The following PTPRE variants were observed in gnomAD, a reference collection of about 807,000 sequenced individuals.
PTPRE encodes receptor-type tyrosine-protein phosphatase epsilon.
Under a neutral mutation model 102.0 loss-of-function variants are expected in PTPRE, and 51 were observed. The observed-to-expected ratio is 0.50, with a 90% CI of 0.40 to 0.63. The LOEUF (loss-of-function observed/expected upper bound fraction) is 0.63. Ranked by LOEUF, PTPRE falls within the 30% of genes least tolerant of loss-of-function variation. The pLI is 0.00. For synonymous variants in PTPRE, 345 were observed against 348.2 expected, an observed-to-expected ratio of 0.99 and a Z score of 0.10; for missense variants, 752 against 915.1, an observed-to-expected ratio of 0.82 and a Z score of 2.30.
At chr10:127,985,341 G>A (rs1268055000) in intron 2 of PTPRE, among the ~76,000 whole-genome samples, 2 of 152,256 alleles carry the variant, frequency 1.3e-5, no homozygotes, top group Non-Finnish European at 2.9e-5. Context: ...CCAGAACTTT[G>A]GGAGGCCAAG....
rs564731130 is a variant in PTPRE, at chr10:128,041,327, C to T, written c.109+337C>T. 2.5e-4 allele frequency among the ~76,000 whole-genome samples: 38 copies of T among 152,100 alleles called. No homozygotes were observed. The East Asian group carries it at 7.0e-3, about 28-fold the overall frequency. On this transcript the variant is annotated intron_variant, in intron 3 of 20. Transcript: ENST00000254667. ...CAACCATGAACATACATGGATGAGG[C>T]GATGTGACAGTTAATGATAGGAACT...
chr10:128,022,972 C>A (rs1202809730), intron 2 of PTPRE, among the ~76,000 whole-genome samples: 1 of 152,220 alleles, frequency 6.6e-6, no homozygotes, highest in Non-Finnish European at 1.5e-5. Context: ...TGACTCTGAC[C>A]ACCTGTCCCA....
rs183716120 is a variant in PTPRE, at chr10:127,923,076, C to G, written c.-31+15767C>G. Among the ~76,000 whole-genome samples the G allele has an allele frequency of 7.8e-3, 1,195 of 152,384 alleles. 62 individuals are homozygous for G. The highest frequency in any genetic ancestry group is 0.073 in the Admixed American group (1,122 of 15,304). On this transcript the variant is annotated intron_variant, in intron 1 of 20. Coordinates refer to ENST00000254667, the MANE Select transcript of PTPRE (RefSeq NM_006504.6). ...TCTGGCGGCATTCCCAGCCTGCACT[C>G]CTGTCCCAGGCAGAGGCCTGGAGAG...
intron 2 of PTPRE, among the ~76,000 whole-genome samples, chr10:128,005,883 G>A (rs1052198878): frequency 6.6e-6 from 1 of 152,144 alleles, no homozygotes; most frequent in Non-Finnish European, 1.5e-5. Flanking sequence ...CTCCTCCAGA[G>A]TCCATTGGGT....
intron 1 of PTPRE, among the ~76,000 whole-genome samples, chr10:127,921,483 G>A (rs759777714): frequency 2.6e-5 from 4 of 152,202 alleles, no homozygotes; most frequent in African/African-American, 4.8e-5. Context: ...GGAAGGCCGG[G>A]GTAGACACCT....
chr10:127,961,697 G>C (rs1306304778), intron 1 of PTPRE, among the ~76,000 whole-genome samples: 1 of 152,174 alleles, frequency 6.6e-6, no homozygotes, highest in Non-Finnish European at 1.5e-5. Flanking sequence ...ACTCTCCCCA[G>C]CGTCTTGTCT....
At chr10:127,918,864 A>G (rs116803145) in intron 1 of PTPRE, among the ~76,000 whole-genome samples, 130 of 152,324 alleles carry the variant, frequency 8.5e-4, no homozygotes, top group African/African-American at 3.0e-3. Flanking sequence ...AAAATTGCAA[A>G]GAACTGGCCT....
At chr10:127,929,373 G>T (rs1232526054) in intron 1 of PTPRE, 2 of 152,162 alleles carry the variant, frequency 1.3e-5, no homozygotes, top group Non-Finnish European at 2.9e-5. Flanking sequence ...TTGGAAGTGT[G>T]AGTTGCATGG....
At chr10:127,947,467 A>C (rs973632000) in intron 1 of PTPRE, among the ~76,000 whole-genome samples, 6 of 152,196 alleles carry the variant, frequency 3.9e-5, no homozygotes, top group African/African-American at 1.4e-4. Context: ...CTTGCTCTGA[A>C]GAATTCAGGT....
At chr10:128,044,858 T>A (rs763460189) in intron 3 of PTPRE, among the ~76,000 whole-genome samples, 1 of 152,262 alleles carries the variant, frequency 6.6e-6, no homozygotes, top group African/African-American at 2.4e-5. Flanking sequence ...TTAAAAAAAA[T>A]GTTTTTAAAT....
At chr10:127,945,296 G>A (rs1848547773) in intron 1 of PTPRE, among the ~76,000 whole-genome samples, 1 of 152,196 alleles carries the variant, frequency 6.6e-6, no homozygotes, top group Non-Finnish European at 1.5e-5. Context: ...GTGACTTGCG[G>A]AACTGGCAAC....
intron 2 of PTPRE, among the ~76,000 whole-genome samples, chr10:128,011,631 T>A (rs1164453787): frequency 6.6e-6 from 1 of 152,256 alleles, no homozygotes; most frequent in Non-Finnish European, 1.5e-5. Flanking sequence ...GTTGAGCCCA[T>A]AAAATGCAAA....
intron 3 of PTPRE, among the ~76,000 whole-genome samples, chr10:128,046,634 G>A (rs1350556972): frequency 6.6e-6 from 1 of 152,280 alleles, no homozygotes; most frequent in African/African-American, 2.4e-5. Flanking sequence ...GTGGCCAGCG[G>A]GGGAGGAGCA....
At chr10:127,979,806 G>C (rs1851466536) in intron 1 of PTPRE, among the ~76,000 whole-genome samples, 1 of 152,220 alleles carries the variant, frequency 6.6e-6, no homozygotes, top group Non-Finnish European at 1.5e-5. Flanking sequence ...TGTGGTTTTA[G>C]TCTGGTTTGA....
At chr10:127,926,039 A>G (rs1329635473) in intron 1 of PTPRE, among the ~76,000 whole-genome samples, 4 of 152,226 alleles carry the variant, frequency 2.6e-5, no homozygotes, top group African/African-American at 9.6e-5. Flanking sequence ...GACCATAGCT[A>G]ATCCTTTTGT....
chr10:127,982,862 A>G (rs941049353), intron 2 of PTPRE, among the ~76,000 whole-genome samples: 3 of 152,288 alleles, frequency 2.0e-5, no homozygotes, highest in Admixed American at 1.3e-4. Context: ...AGAAAAAGAA[A>G]ACTTTAAACA....
At chr10:127,993,524 T>C (rs1286191641) in intron 2 of PTPRE, among the ~76,000 whole-genome samples, 1 of 152,090 alleles carries the variant, frequency 6.6e-6, no homozygotes, top group East Asian at 1.9e-4. Flanking sequence ...TCCCCAGGGT[T>C]CACCCAGCAT....
chr10:128,062,837 C>T (rs899250977), intron 9 of PTPRE: 17 of 561,458 alleles, frequency 3.0e-5, no homozygotes, highest in South Asian at 1.1e-4. Flanking sequence ...TACCTGTGAA[C>T]GTCATAACTC....
chr10:128,084,021 A>G lies in PTPRE; in HGVS notation c.*1115A>G, dbSNP rs1851917115. On this transcript the variant is annotated 3_prime_UTR_variant, in exon 21 of 21. Transcript: ENST00000254667. ...AAAGTCCCACCTTTCAATGTTTAAT[A>G]AAACAAAAAGAGAAATCCTTAATCT... 1.5e-5 allele frequency: 2 copies of G among 137,094 alleles called. No homozygotes were observed. The highest frequency in any genetic ancestry group is 4.0e-3 in the Middle Eastern group (1 of 252). The allele number at this position is 137,094 out of a possible 1,614,324, so 8.5% of individuals were successfully genotyped here.
Sources: gnomAD v4.1 joint callset for allele counts (sites outside exome capture counted in the v4.1 genomes callset) on GRCh38, gnomAD v4.1.1 for gene constraint, MANE v1.5 for transcripts, NCBI Gene and HGNC (gene_info 2026-07-23, HGNC 2026-07-21) for gene names.